Variants in LSAMP observed in about 807,000 individuals in gnomAD.
LSAMP encodes limbic system-associated membrane protein.
In LSAMP, 7 loss-of-function variants were observed where a neutral mutation model predicts 38.6. That is an observed-to-expected ratio of 0.18 (90% CI 0.10 to 0.34). The LOEUF (loss-of-function observed/expected upper bound fraction) is 0.34. LSAMP is among the 10% of genes least tolerant of loss of function. LSAMP has a pLI of 1.00. For missense variants in LSAMP, 313 were observed against 420.0 expected, an observed-to-expected ratio of 0.75 and a Z score of 2.23; for synonymous variants, 154 against 166.8, an observed-to-expected ratio of 0.92 and a Z score of 0.59.
chr3:116,251,640 A>G (rs1393541428), intron 1 of LSAMP, among the ~76,000 whole-genome samples: 6 of 152,244 alleles, frequency 3.9e-5, no homozygotes, highest in Non-Finnish European at 7.3e-5. Context: ...TCAAGAATAG[A>G]TAACTGACCC....
intron 1 of LSAMP, among the ~76,000 whole-genome samples, chr3:116,207,248 A>G (rs1251805846): frequency 5.9e-5 from 9 of 151,720 alleles, no homozygotes; most frequent in East Asian, 1.9e-4. Context: ...TCTGTTTTCC[A>G]TTTGCTTGGT....
chr3:116,389,391 G>C (rs1385265476), intron 1 of LSAMP, among the ~76,000 whole-genome samples: 1 of 152,150 alleles, frequency 6.6e-6, no homozygotes, highest in Non-Finnish European at 1.5e-5. Flanking sequence ...ACCTGCCTTG[G>C]CCACAGTGAT....
At chr3:116,257,082 A>C (rs1261030240) in intron 1 of LSAMP, among the ~76,000 whole-genome samples, 1 of 151,946 alleles carries the variant, frequency 6.6e-6, no homozygotes, top group African/African-American at 2.4e-5. Context: ...GGAGGTACAC[A>C]CTCCTCTGTG....
chr3:115,995,168 C>T (rs1576291887), intron 3 of LSAMP, among the ~76,000 whole-genome samples: 1 of 152,054 alleles, frequency 6.6e-6, no homozygotes, highest in East Asian at 1.9e-4. Flanking sequence ...AGGAAAGAAG[C>T]CTGTCCTGCC....
chr3:116,099,123 T>C (rs1044461424), intron 1 of LSAMP, among the ~76,000 whole-genome samples: 2 of 152,196 alleles, frequency 1.3e-5, no homozygotes, highest in African/African-American at 4.8e-5. Flanking sequence ...CCTTCGGAAA[T>C]TTCACAGCCA....
At chr3:116,186,672 C>G (rs1322183867) in intron 1 of LSAMP, among the ~76,000 whole-genome samples, 1 of 152,110 alleles carries the variant, frequency 6.6e-6, no homozygotes, top group African/African-American at 2.4e-5. Flanking sequence ...TATAAGACTG[C>G]AATCCATTTC....
intron 1 of LSAMP, among the ~76,000 whole-genome samples, chr3:116,218,571 A>G (rs1471302856): frequency 1.3e-5 from 2 of 152,216 alleles, no homozygotes; most frequent in African/African-American, 4.8e-5. Context: ...GCAATAATGT[A>G]CGGAGTTCAC....
intron 3 of LSAMP, among the ~76,000 whole-genome samples, chr3:115,864,658 C>T (rs1935806925): frequency 6.6e-6 from 1 of 152,150 alleles, no homozygotes; most frequent in Non-Finnish European, 1.5e-5. Flanking sequence ...AGCTTATCTT[C>T]CTTTCTCGTG....
At position 116,276,482 on chromosome 3, in the gene LSAMP, C is replaced by T. The variant is rs562243545; in HGVS notation, c.155+168395G>A. On this transcript the variant is annotated intron_variant, in intron 1 of 6. Coordinates refer to ENST00000490035, the MANE Select transcript of LSAMP (RefSeq NM_002338.5). Reference sequence around the variant, plus strand: ...ATGTGGGAGTTAAACTTTGAGGACACGAAGGCATAAGAATGATACAATGGA... The same window carrying T: ...ATGTGGGAGTTAAACTTTGAGGACATGAAGGCATAAGAATGATACAATGGA... Among the ~76,000 whole-genome samples the T allele has an allele frequency of 3.3e-5, 5 of 151,408 alleles. No homozygotes were observed. In the South Asian group the frequency reaches 8.4e-4, roughly 25 times the overall value.
chr3:116,014,044 A>G (rs1035996876), intron 3 of LSAMP, among the ~76,000 whole-genome samples: 1 of 152,130 alleles, frequency 6.6e-6, no homozygotes, highest in African/African-American at 2.4e-5. Flanking sequence ...CTCATAATGA[A>G]TCTAATTATG....
intron 3 of LSAMP, among the ~76,000 whole-genome samples, chr3:115,920,054 C>T (rs1017875439): frequency 2.0e-5 from 3 of 152,174 alleles, no homozygotes; most frequent in Non-Finnish European, 4.4e-5. Flanking sequence ...ATAATATTCT[C>T]TTGCATATAT....
intron 1 of LSAMP, among the ~76,000 whole-genome samples, chr3:116,272,249 G>A (rs879442707): frequency 1.3e-5 from 2 of 152,070 alleles, no homozygotes; most frequent in Admixed American, 6.5e-5. Context: ...CTTATCCTGA[G>A]TCCTGTTTTA....
At chr3:116,390,270 T>C (rs1258604756) in intron 1 of LSAMP, among the ~76,000 whole-genome samples, 3 of 152,068 alleles carry the variant, frequency 2.0e-5, no homozygotes, top group Non-Finnish European at 4.4e-5. Flanking sequence ...ACCAAGACAC[T>C]GTAAGCAGTG....
At chr3:115,924,824 A>T (rs1937462052) in intron 3 of LSAMP, among the ~76,000 whole-genome samples, 1 of 152,190 alleles carries the variant, frequency 6.6e-6, no homozygotes, top group African/African-American at 2.4e-5. Flanking sequence ...CCTCCTAAAC[A>T]TAGGGTCCTA....
At chr3:115,819,876 C>T (rs762634625) in intron 6 of LSAMP, among the ~76,000 whole-genome samples, 4 of 152,150 alleles carry the variant, frequency 2.6e-5, no homozygotes, top group Non-Finnish European at 5.9e-5. Context: ...TACCCATCAC[C>T]TTCTGTAGGA....
intron 1 of LSAMP, among the ~76,000 whole-genome samples, chr3:116,222,082 G>A (rs957811410): frequency 6.6e-6 from 1 of 151,982 alleles, no homozygotes; most frequent in African/African-American, 2.4e-5. Flanking sequence ...CTAGGAGTAA[G>A]ATCCCTAAAG....
At chr3:116,204,518 G>T (rs1248865758) in intron 1 of LSAMP, among the ~76,000 whole-genome samples, 3 of 150,360 alleles carry the variant, frequency 2.0e-5, no homozygotes, top group Non-Finnish European at 3.0e-5. Flanking sequence ...TTTCTTCTAG[G>T]GTTTTTATGG....
At chr3:115,977,276 C>T (rs1939216889) in intron 3 of LSAMP, among the ~76,000 whole-genome samples, 1 of 152,166 alleles carries the variant, frequency 6.6e-6, no homozygotes, top group South Asian at 2.1e-4. Flanking sequence ...AGAAAATTCT[C>T]ATAGTCACTG....
intron 1 of LSAMP, among the ~76,000 whole-genome samples, chr3:116,148,190 GCAA>G (rs954990172): frequency 2.0e-5 from 3 of 149,388 alleles, no homozygotes; most frequent in Admixed American, 6.6e-5. Flanking sequence ...TAAAATAACA[GCAA>G]CAACAACAGA....
Sources: gnomAD v4.1 joint callset for allele counts (sites outside exome capture counted in the v4.1 genomes callset) on GRCh38, gnomAD v4.1.1 for gene constraint, MANE v1.5 for transcripts, NCBI Gene and HGNC (gene_info 2026-07-23, HGNC 2026-07-21) for gene names.